NBEAL2: variants seen among roughly 807,000 people sequenced by gnomAD.
NBEAL2 encodes the protein neurobeachin-like protein 2.
In NBEAL2, 160 loss-of-function variants were observed where a neutral mutation model predicts 299.8. That is an observed-to-expected ratio of 0.53 (90% CI 0.47 to 0.61). The LOEUF is 0.61. Among genes scored for constraint, NBEAL2 ranks in the 20% least tolerant of loss-of-function variants. The pLI is 0.00. For synonymous variants in NBEAL2, 1,493 were observed against 1,542.3 expected (o/e 0.97, Z 0.75); for missense variants, 3,112 against 3,649.0 (o/e 0.85, Z 3.79).
Position 46,981,071 on chromosome 3 carries a change from C to A in NBEAL2, c.51+1159C>A, listed in dbSNP as rs73831454. On this transcript the variant is annotated intron_variant, in intron 1 of 53. Coordinates refer to ENST00000450053, the MANE Select transcript of NBEAL2 (RefSeq NM_015175.3). ...GAGAGGTCCAGGCCCCAGCAGGAGG[C>A]CAGGCATGGAGTAGAGTCCCTCTTT... Among the ~76,000 whole-genome samples the A allele has an allele frequency of 2.1e-3, 324 of 152,342 alleles. 3 individuals carry two copies. The highest frequency in any genetic ancestry group is 7.5e-3 in the African/African-American group (311 of 41,594).
intron 20 of NBEAL2, 62 bp from the exon 21 acceptor site, chr3:46,998,005 A>C (rs2036628471): frequency 1.3e-6 from 2 of 1,493,910 alleles, no homozygotes; most frequent in Non-Finnish European, 9.0e-7. Flanking sequence ...GTGGCAGCTG[A>C]AAAGCTCAGA....
At chr3:46,987,945 C>T (rs533776291) in intron 1 of NBEAL2, 10 of 1,241,904 alleles carry the variant, frequency 8.1e-6, no homozygotes, top group African/African-American at 3.1e-5. Flanking sequence ...CGTGACTCTG[C>T]GCTTCCTGCC....
At chr3:47,006,889 C>T (rs934948757) in intron 45 of NBEAL2, among the ~76,000 whole-genome samples, 177 bp from the exon 46 acceptor site, 7 of 152,208 alleles carry the variant, frequency 4.6e-5, no homozygotes, top group African/African-American at 1.7e-4. Flanking sequence ...TTCTCACCCA[C>T]TTTCTGAGAT....
chr3:47,005,675 GT>G (rs1254806002), intron 41 of NBEAL2, 56 bp downstream of exon 41: 1 of 1,576,358 alleles, frequency 6.3e-7, no homozygotes, highest in Non-Finnish European at 8.6e-7. Flanking sequence ...AGAGCAGATG[GT>G]GGAGTGGCCA....
At position 47,003,982 on chromosome 3, in the gene NBEAL2, T is replaced by C. The variant is rs376721724; in HGVS notation, c.5881+6T>C. On this transcript the variant is annotated splice_donor_region_variant and intron_variant, in intron 36 of 53. Transcript: ENST00000450053. This position sits in a 1 kb window ranked among gnomAD's most constrained non-coding sequence, Gnocchi z 7.0. ...GCGCGTGGAAACCGAGGAGGGTGCG[T>C]CCTGGTGGTGTGGTTTAGGAGGATG... 1.9e-6 allele frequency: 3 copies of C among 1,612,562 alleles called. No homozygotes were observed. The African/African-American group carries it at 4.0e-5, about 22-fold the overall frequency.
chr3:46,994,891 G>A, intron 12 of NBEAL2, 141 bp from the exon 13 acceptor site: 1 of 1,255,244 alleles, frequency 8.0e-7, no homozygotes, highest in Non-Finnish European at 1.1e-6. Flanking sequence ...TGACTTTCCT[G>A]AGCCTCACAC....
rs1185131174 is a variant in NBEAL2 at position 46,995,101 on chromosome 3, G to A, written c.1366G>A (p.Ala456Thr). Residue 456 changes from alanine (A) to threonine (T), a missense_variant, in exon 13 of 54, where the codon GCG becomes ACG. Coordinates refer to ENST00000450053, the MANE Select transcript of NBEAL2 (RefSeq NM_015175.3). ...CAACGAGCAGCCGGTACTGGTGCTG[G>A]CGCAGTGGCTGCCGTCATTGCCCAC... ...IRNEQPVLVLAQWLPSLPTAE... is the reference protein window; with the variant it reads ...IRNEQPVLVLTQWLPSLPTAE... 4 of 1,571,858 alleles carry A rather than the reference G, an allele frequency of 2.5e-6. No individual in the cohort carries two copies. The highest frequency in any genetic ancestry group is 1.7e-4 in the Middle Eastern group (1 of 6,020).
chr3:47,001,977 C>T lies in NBEAL2; in HGVS notation c.4840C>T (p.Arg1614Cys), dbSNP rs200608141. 37 of 1,608,418 alleles carry T rather than the reference C, an allele frequency of 2.3e-5. No homozygotes were observed. Among genetic ancestry groups the T allele is most frequent in the Admixed American group, 3.4e-5 (2 of 59,428 alleles). Residue 1614 changes from arginine to cysteine, a missense_variant, in exon 31 of 54, where the codon CGC becomes TGC. Coordinates refer to ENST00000450053, the MANE Select transcript of NBEAL2 (RefSeq NM_015175.3). This position sits in a 1 kb window ranked among gnomAD's most constrained non-coding sequence, Gnocchi z 6.1. ...GCTGCTACAGACTGCAGTGCCAGCC[C>T]GCCGCGAGGAGGCCTGCTATGTGCT... Reference protein sequence around the residue: ...HMLLQTAVPARREEACYVLSK... With the variant: ...HMLLQTAVPACREEACYVLSK...
rs1260355860 is a variant in NBEAL2 at position 47,005,513 on chromosome 3, C to T, written c.6585C>T (p.Phe2195=). The T allele has an allele frequency of 6.2e-7, 1 of 1,611,766 alleles. No individual in the cohort carries two copies. The highest frequency in any genetic ancestry group is 2.2e-5 in the East Asian group (1 of 44,788). ...GCTTTGACTGCTCCGACCGGCAGTTCCACTCGGTGGCGGCAGCCTGGCAGG... is the reference window on the plus strand; with the variant it reads ...GCTTTGACTGCTCCGACCGGCAGTTTCACTCGGTGGCGGCAGCCTGGCAGG... ...SGRFDCSDRQ[F]HSVAAAWQAR... The change falls in exon 41 of 54, where the codon TTC becomes TTT. Residue 2195 remains phenylalanine (F), a synonymous_variant. Coordinates refer to ENST00000450053, the MANE Select transcript of NBEAL2 (RefSeq NM_015175.3).
chr3:47,001,504 G>A lies in NBEAL2; in HGVS notation c.4644+66G>A, dbSNP rs1559609413. ...TGTTCATGCAAGCCTGCAGGGATCT[G>A]GTCTGGGAGGTGGATGGGTACACGT... is the stretch of plus-strand genomic sequence containing the variant. On this transcript the variant is annotated intron_variant, in intron 29 of 53. Coordinates refer to ENST00000450053, the MANE Select transcript of NBEAL2 (RefSeq NM_015175.3). The surrounding 1 kb of genome is among the most constrained non-coding windows in gnomAD (Gnocchi z 6.1). 6.4e-7 allele frequency: 1 copy of A among 1,572,444 alleles called. No individual in the cohort carries two copies. The highest frequency in any genetic ancestry group is 8.6e-7 in the Non-Finnish European group (1 of 1,159,814).
chr3:47,005,985 G>A lies in NBEAL2; in HGVS notation c.6841G>A (p.Asp2281Asn), dbSNP rs754828393. 6.2e-6 allele frequency: 10 copies of A among 1,613,600 alleles called. No homozygotes were observed. Among genetic ancestry groups the A allele is most frequent in the Admixed American group, 5.0e-5 (3 of 60,012 alleles). Residue 2281 changes from aspartate (D) to asparagine (N), a missense_variant, in exon 43 of 54, where the codon GAC (aspartate) becomes AAC (asparagine). By Grantham distance (23) the Asp-to-Asn change is conservative. This residue lies in a region of NBEAL2 where 521 missense variants were observed against 729.6 expected (regional missense o/e 0.71). Coordinates refer to ENST00000450053, the MANE Select transcript of NBEAL2 (RefSeq NM_015175.3). ...YVSAHLHEWI[D>N]LIFGYKQRGP... The stretch of plus-strand genomic sequence containing the variant: ...GTCTGCACACCTACACGAGTGGATC[G>A]ACCTCATCTTTGGCTACAAGCAGCG...
rs750789997 is a variant in NBEAL2 at position 47,003,130 on chromosome 3, C to T, written c.5585-44C>T. The T allele has an allele frequency of 6.2e-7, 1 of 1,609,130 alleles. No homozygotes were observed. The highest frequency in any genetic ancestry group is 1.1e-5 in the South Asian group (1 of 90,868). On this transcript the variant is annotated intron_variant, in intron 34 of 53. Transcript: ENST00000450053. The surrounding 1 kb of genome is among the most constrained non-coding windows in gnomAD (Gnocchi z 7.0). ...TCCACCCAACTCGATTGTCCCGTCT[C>T]CTGTCCTGCCTTGCTTCTGCTGAGT...
rs1469128027 is a variant in NBEAL2, at chr3:46,988,622, C to A, written c.52-47C>A. 2 of 1,522,696 alleles carry A rather than the reference C, an allele frequency of 1.3e-6. No individual in the cohort carries two copies. Among genetic ancestry groups the A allele is most frequent in the Non-Finnish European group, 1.8e-6 (2 of 1,098,818 alleles). The allele number at this position is 1,522,696 out of a possible 1,614,324, so 94.3% of individuals were successfully genotyped here. A position where few individuals can be genotyped will look rare whatever the true frequency, so the allele number is the denominator to read the frequency against. Reference sequence around the variant, plus strand: ...CATCCCCTTGTCCCTGCCCTGTTTACTGCATCCCTCCTGCCCCCCACCACT... The same window carrying A: ...CATCCCCTTGTCCCTGCCCTGTTTAATGCATCCCTCCTGCCCCCCACCACT... On this transcript the variant is annotated intron_variant, in intron 1 of 53. Coordinates refer to ENST00000450053, the MANE Select transcript of NBEAL2 (RefSeq NM_015175.3). This position sits in a 1 kb window ranked among gnomAD's most constrained non-coding sequence, Gnocchi z 4.4.
Position 47,007,570 on chromosome 3 carries a change from G to C in NBEAL2, c.7380G>C (p.Val2460=), listed in dbSNP as rs1359674582. The change falls in exon 48 of 54, where the codon GTG becomes GTC. Residue 2460 remains valine (V), a synonymous_variant. Coordinates refer to ENST00000450053, the MANE Select transcript of NBEAL2 (RefSeq NM_015175.3). ...GCCCGTGGGTGCCAGGCAGTGGTGT[G>C]AGTGGACAAGCACTGGCAGTGGCCC... is the stretch of plus-strand genomic sequence containing the variant. ...LSGPWVPGSG[V]SGQALAVAPD... is the part of the protein sequence containing the mutation. 1.2e-6 allele frequency: 2 copies of C among 1,612,522 alleles called. No individual in the cohort carries two copies. Among genetic ancestry groups the C allele is most frequent in the Non-Finnish European group, 1.7e-6 (2 of 1,179,718 alleles).
chr3:46,991,370 C>G lies in NBEAL2; in HGVS notation c.643-36C>G, dbSNP rs1256181480. On this transcript the variant is annotated intron_variant, in intron 7 of 53. Coordinates refer to ENST00000450053, the MANE Select transcript of NBEAL2 (RefSeq NM_015175.3). This position sits in a 1 kb window ranked among gnomAD's most constrained non-coding sequence, Gnocchi z 6.2. ...TTCAGTATCTCTCTGCTGGGTGAGCCCCTTGCCCACTGCCCATCTCTGTCC... is the reference window on the plus strand; with the variant it reads ...TTCAGTATCTCTCTGCTGGGTGAGCGCCTTGCCCACTGCCCATCTCTGTCC... 2.5e-6 allele frequency: 4 copies of G among 1,585,266 alleles called. No homozygotes were observed. The highest frequency in any genetic ancestry group is 3.4e-6 in the Non-Finnish European group (4 of 1,165,124).
At position 47,009,524 on chromosome 3, in the gene NBEAL2, G is replaced by C. The variant is rs985593185; in HGVS notation, c.*204G>C. On this transcript the variant is annotated 3_prime_UTR_variant, in exon 54 of 54. Coordinates refer to ENST00000450053, the MANE Select transcript of NBEAL2 (RefSeq NM_015175.3). ...CCCGCCCCTCGCCGGCTGAGGGGCC[G>C]CCCTGAGGGCCAGCACTGGCGTCTG... The C allele has an allele frequency of 2.7e-5, 16 of 591,994 alleles. No individual in the cohort carries two copies. The highest frequency in any genetic ancestry group is 4.2e-5 in the Non-Finnish European group (14 of 336,846). The allele number at this position is 591,994 out of a possible 1,614,324, so 36.7% of individuals were successfully genotyped here. A position where few individuals can be genotyped will look rare whatever the true frequency, so the allele number is the denominator to read the frequency against.
chr3:47,000,023 G>T lies in NBEAL2; in HGVS notation c.3924G>T (p.Glu1308Asp). 1 of 1,612,564 alleles carries T rather than the reference G, an allele frequency of 6.2e-7. No individual in the cohort carries two copies. The highest frequency in any genetic ancestry group is 1.3e-5 in the African/African-American group (1 of 74,938). The change falls in exon 27 of 54, where the codon GAG (glutamate) becomes GAT (aspartate). Residue 1308 changes from glutamate to aspartate, a missense_variant. Transcript: ENST00000450053. This position sits in a 1 kb window ranked among gnomAD's most constrained non-coding sequence, Gnocchi z 4.5. ...GCAGCCCCCCTCCGTCTTCCCCAGA[G>T]TCACCTACCTCCCCCAAGCCAGCCC... Reference protein sequence around the residue: ...TAGSPPPSSPESPTSPKPAPP... With the variant: ...TAGSPPPSSPDSPTSPKPAPP...
Position 46,994,463 on chromosome 3 carries a change from T to A in NBEAL2, c.1206T>A (p.Phe402Leu), listed in dbSNP as rs747447681. Reference sequence around the variant, plus strand: ...CATACTACCTTACACAGGAGGTGTTTAAGGAGCGCATCGGCTACCCTCACC... The same window carrying A: ...CATACTACCTTACACAGGAGGTGTTAAAGGAGCGCATCGGCTACCCTCACC... Reference protein sequence around the residue: ...MSDSPSAKEVFKERIGYPHLQ... With the variant: ...MSDSPSAKEVLKERIGYPHLQ... Residue 402 changes from phenylalanine to leucine, a missense_variant, in exon 12 of 54, where the codon TTT becomes TTA. Physicochemically the swap from Phe to Leu is conservative, Grantham distance 22. Around this residue, in one of 3 missense-constraint regions of NBEAL2, gnomAD observed 2,243 missense variants for 2,538.1 expected, o/e 0.88. Coordinates refer to ENST00000450053, the MANE Select transcript of NBEAL2 (RefSeq NM_015175.3). 6.3e-7 allele frequency: 1 copy of A among 1,592,328 alleles called. No individual in the cohort carries two copies. Among genetic ancestry groups the A allele is most frequent in the Non-Finnish European group, 8.6e-7 (1 of 1,167,646 alleles).
At position 46,989,743 on chromosome 3, in the gene NBEAL2, GAGACA is replaced by G. The variant is rs2035952316; in HGVS notation, c.556+154_556+158del. 1 of 741,256 alleles carries G rather than the reference GAGACA, an allele frequency of 1.3e-6. No homozygotes were observed. The highest frequency in any genetic ancestry group is 2.3e-6 in the Non-Finnish European group (1 of 438,540). The allele number at this position is 741,256 out of a possible 1,614,324, so 45.9% of individuals were successfully genotyped here. ...AAGACCAAGCAAGAGTTTAGGGACA[GAGACA>G]AGAGAAGACATCTTGGGCTGGAGCG... On this transcript the variant is annotated intron_variant, in intron 6 of 53. Coordinates refer to ENST00000450053, the MANE Select transcript of NBEAL2 (RefSeq NM_015175.3). The surrounding 1 kb of genome is among the most constrained non-coding windows in gnomAD (Gnocchi z 5.5).
Sources: allele counts gnomAD v4.1 joint callset (sites outside exome capture counted in the v4.1 genomes callset), GRCh38; gene constraint gnomAD v4.1.1; regional missense constraint gnomAD v4.1.1; non-coding constraint Gnocchi (gnomAD v3.1); transcripts MANE v1.5; gene names NCBI Gene and HGNC (gene_info 2026-07-23, HGNC 2026-07-21).